Variants in EPHA3 observed in about 807,000 individuals in gnomAD.
The protein encoded by EPHA3 is ephrin type-A receptor 3.
EPHA3 carries 42 observed loss-of-function variants against 107.1 expected under a neutral mutation model. The ratio of observed to expected loss-of-function variants is 0.39; its 90% CI spans 0.31 to 0.51. EPHA3 has a LOEUF of 0.51. Ranked by LOEUF, EPHA3 falls within the 20% of genes least tolerant of loss-of-function variation. EPHA3 has a pLI of 0.78. For missense variants in EPHA3, 1,183 were observed against 1,211.2 expected (o/e 0.98, Z 0.35); for synonymous variants, 461 against 424.8 (o/e 1.09, Z -1.05).
intron 16 of EPHA3, among the ~76,000 whole-genome samples, chr3:89,476,586 T>C (rs1352813654): frequency 1.0e-5 from 1 of 99,924 alleles, no homozygotes; most frequent in Non-Finnish European, 2.1e-5. Flanking sequence ...TATTATTATT[T>C]TTATTTATTT....
chr3:89,208,592 GGGAA>G (rs1315294800), intron 2 of EPHA3, among the ~76,000 whole-genome samples: 38 of 103,048 alleles, frequency 3.7e-4, no homozygotes, highest in African/African-American at 1.1e-3. Flanking sequence ...AAGAAAGAAA[GGGAA>G]GGAAGGAAGG....
intron 2 of EPHA3, among the ~76,000 whole-genome samples, chr3:89,160,554 G>C (rs1366333518): frequency 2.0e-5 from 2 of 101,222 alleles, no homozygotes; most frequent in Non-Finnish European, 4.4e-5. Context: ...GATTTTGTGT[G>C]TGTGTGTGTG....
At chr3:89,139,936 TA>T (rs1354644796) in intron 2 of EPHA3, among the ~76,000 whole-genome samples, 1 of 151,846 alleles carries the variant, frequency 6.6e-6, no homozygotes, top group East Asian at 1.9e-4. Context: ...GCACCCAAGA[TA>T]ATATCCAAAT....
chr3:89,136,752 T>A (rs115672692), intron 2 of EPHA3, among the ~76,000 whole-genome samples: 1 of 151,952 alleles, frequency 6.6e-6, no homozygotes, highest in Non-Finnish European at 1.5e-5. Context: ...CTAACATATA[T>A]TAACTATAAA....
intron 13 of EPHA3, among the ~76,000 whole-genome samples, chr3:89,440,812 C>T (rs1709768007): frequency 6.6e-6 from 1 of 152,138 alleles, no homozygotes; most frequent in Admixed American, 6.6e-5. Flanking sequence ...TATTCATCTC[C>T]TTTACCTTTT....
At chr3:89,367,744 CA>C (rs1209469112) in intron 5 of EPHA3, among the ~76,000 whole-genome samples, 1 of 150,376 alleles carries the variant, frequency 6.6e-6, no homozygotes, top group Non-Finnish European at 1.5e-5. Flanking sequence ...ACCTAAAATA[CA>C]ATTATTCTAT....
chr3:89,298,515 C>G (rs190634117), intron 3 of EPHA3, among the ~76,000 whole-genome samples: 2 of 152,206 alleles, frequency 1.3e-5, no homozygotes, highest in African/African-American at 4.8e-5. Context: ...GACTTGAAAA[C>G]TGTTGTTTTA....
At chr3:89,351,988 G>A (rs1707834475) in intron 5 of EPHA3, among the ~76,000 whole-genome samples, 1 of 150,262 alleles carries the variant, frequency 6.7e-6, no homozygotes, top group Non-Finnish European at 1.5e-5. Context: ...CTTTCCAGGT[G>A]CTGGATATGA....
intron 2 of EPHA3, among the ~76,000 whole-genome samples, chr3:89,152,885 G>A (rs1055801153): frequency 6.6e-6 from 1 of 151,926 alleles, no homozygotes; most frequent in Non-Finnish European, 1.5e-5. Context: ...AATTAGTTTG[G>A]TAAATTTAGA....
chr3:89,478,816 G>T (rs993109834), intron 16 of EPHA3, among the ~76,000 whole-genome samples: 4 of 152,184 alleles, frequency 2.6e-5, no homozygotes, highest in Admixed American at 1.3e-4. Flanking sequence ...GCTGCCACAA[G>T]AAGTTACCAC....
chr3:89,399,754 T>C, intron 7 of EPHA3: 3 of 1,177,916 alleles, frequency 2.5e-6, no homozygotes, highest in Non-Finnish European at 1.1e-6. Flanking sequence ...TAAATTGCTT[T>C]TGAGGAACAT....
At position 89,301,861 on chromosome 3, in the gene EPHA3, A is replaced by T. The variant is rs572792504; in HGVS notation, c.815-39055A>T. On this transcript the variant is annotated intron_variant, in intron 3 of 16. Coordinates refer to ENST00000336596, the MANE Select transcript of EPHA3 (RefSeq NM_005233.6). ...TAAACTCTGTAAAAGTCAGTGGATG[A>T]TGTTTAAGAAAAAATGGCAGGGACA... Among the ~76,000 whole-genome samples the T allele has an allele frequency of 2.0e-5, 3 of 152,244 alleles. No homozygotes were observed. In the East Asian group the frequency reaches 5.8e-4, roughly 29 times the overall value.
At chr3:89,350,729 T>A (rs1407872370) in intron 5 of EPHA3, among the ~76,000 whole-genome samples, 2 of 151,220 alleles carry the variant, frequency 1.3e-5, no homozygotes, top group Admixed American at 1.3e-4. Context: ...TGTTCTGTTT[T>A]TTCCCCATCT....
chr3:89,351,270 T>C (rs1471341016), intron 5 of EPHA3, among the ~76,000 whole-genome samples: 4 of 150,966 alleles, frequency 2.6e-5, no homozygotes, highest in Admixed American at 6.6e-5. Flanking sequence ...ATCAGCGAGA[T>C]TCCGTGGGCG....
At chr3:89,255,204 C>T (rs567348533) in intron 3 of EPHA3, among the ~76,000 whole-genome samples, 58 of 152,284 alleles carry the variant, frequency 3.8e-4, no homozygotes, top group South Asian at 4.1e-4. Context: ...TACCTCAAGA[C>T]GGAAGTCTAT....
chr3:89,237,971 C>A (rs1439769889), intron 3 of EPHA3, among the ~76,000 whole-genome samples: 1 of 147,024 alleles, frequency 6.8e-6, no homozygotes, highest in Admixed American at 6.8e-5. Context: ...AGAGTGAGAC[C>A]ATGTCTCAGG....
rs576878270 is a variant in EPHA3 at position 89,481,427 on chromosome 3, A to AT, written c.*1935dup. On this transcript the variant is annotated 3_prime_UTR_variant, in exon 17 of 17. Coordinates refer to ENST00000336596, the MANE Select transcript of EPHA3 (RefSeq NM_005233.6). ...TACCTGCTATCAGCAGCTAGAAAAC[A>AT]TTTTTTTTTTAAATCAAGTATTTTG... The AT allele has an allele frequency of 6.9e-4, 153 of 222,600 alleles. No homozygotes were observed. Among genetic ancestry groups the AT allele is most frequent in the South Asian group, 3.4e-3 (18 of 5,350 alleles). The allele number at this position is 222,600 out of a possible 1,614,324, so 13.8% of individuals were successfully genotyped here. A position where few individuals can be genotyped will look rare whatever the true frequency, so the allele number is the denominator to read the frequency against.
intron 15 of EPHA3, among the ~76,000 whole-genome samples, chr3:89,456,271 T>C (rs1710095813): frequency 7.0e-6 from 1 of 142,442 alleles, no homozygotes; most frequent in Non-Finnish European, 1.5e-5. Flanking sequence ...ACTGAATTCG[T>C]GGCTGGTACA....
chr3:89,449,109 T>A (rs570207058), intron 13 of EPHA3, 116 bp from the exon 14 acceptor site: 1 of 955,948 alleles, frequency 1.0e-6, no homozygotes, highest in South Asian at 3.8e-5. Context: ...CAGAAATGCA[T>A]ATTCCATTTC....
Sources: gnomAD v4.1 joint callset for allele counts (sites outside exome capture counted in the v4.1 genomes callset) on GRCh38, gnomAD v4.1.1 for gene constraint, MANE v1.5 for transcripts, NCBI Gene and HGNC (gene_info 2026-07-23, HGNC 2026-07-21) for gene names.